UTP25: variants seen among roughly 807,000 people sequenced by gnomAD.
UTP25 encodes U3 small nucleolar RNA-associated protein 25 homolog.
UTP25 carries 50 observed loss-of-function variants against 78.9 expected under a neutral mutation model. The ratio of observed to expected loss-of-function variants is 0.63; its 90% CI spans 0.50 to 0.80. UTP25 has a LOEUF of 0.80. UTP25 is among the 30% of genes least tolerant of loss of function. The pLI is 0.00. For missense variants in UTP25, 846 were observed against 911.3 expected, an observed-to-expected ratio of 0.93 and a Z score of 0.92; for synonymous variants, 329 against 336.5, an observed-to-expected ratio of 0.98 and a Z score of 0.24.
At chr1:209,842,807 T>C in intron 10 of UTP25, 112 bp downstream of exon 10, 1 of 709,526 alleles carries the variant, frequency 1.4e-6, no homozygotes, top group South Asian at 1.8e-5. Context: ...ACCAAATCAG[T>C]TGAGATAATT....
intron 4 of UTP25, 35 bp from the exon 5 acceptor site, chr1:209,835,040 G>A (rs759549907): frequency 1.3e-6 from 2 of 1,555,512 alleles, no homozygotes; most frequent in Non-Finnish European, 8.9e-7. Context: ...CTCTGTAGTT[G>A]CATAGTGTGC....
Position 209,837,230 on chromosome 1 carries a change from C to T in UTP25, c.1062+19C>T, listed in dbSNP as rs1175535813. 6.2e-7 allele frequency: 1 copy of T among 1,604,468 alleles called. No individual in the cohort carries two copies. Among genetic ancestry groups the T allele is most frequent in the Non-Finnish European group, 8.5e-7 (1 of 1,174,412 alleles). ...GCCCAAGGTGAGTCCAGCAGGAAAG[C>T]TTTGCTCTCGAGGAGGTGGCTGCAA... On this transcript the variant is annotated intron_variant, in intron 6 of 11. Coordinates refer to ENST00000491415, the MANE Select transcript of UTP25 (RefSeq NM_014388.7).
intron 10 of UTP25, chr1:209,843,225 T>G (rs1008669675): frequency 3.5e-6 from 2 of 572,150 alleles, no homozygotes; most frequent in African/African-American, 3.8e-5. Flanking sequence ...TGGGATATAA[T>G]GGTATTACAT....
intron 11 of UTP25, among the ~76,000 whole-genome samples, chr1:209,849,948 G>T (rs1177801260): frequency 6.6e-6 from 1 of 152,126 alleles, no homozygotes; most frequent in Non-Finnish European, 1.5e-5. Context: ...AGACCTGGCT[G>T]CACATCTCTG....
At position 209,851,237 on chromosome 1, in the gene UTP25, C is replaced by T; in HGVS notation, c.2061C>T (p.Phe687=). The change falls in exon 12 of 12, where the codon TTC becomes TTT. Residue 687 remains phenylalanine, a synonymous_variant. Coordinates refer to ENST00000491415, the MANE Select transcript of UTP25 (RefSeq NM_014388.7). ...YTIKGIRNLI[F]YELPTYPHFY... ...TAAAAGGCATCAGGAACCTGATTTT[C>T]TATGAACTGCCGACATATCCACACT... 6.2e-7 allele frequency: 1 copy of T among 1,613,912 alleles called. No homozygotes were observed. The highest frequency in any genetic ancestry group is 8.5e-7 in the Non-Finnish European group (1 of 1,179,972).
chr1:209,833,294 C>T lies in UTP25; in HGVS notation c.498C>T (p.Phe166=), dbSNP rs1310799274. ...CAGATGCAAAACACGAGTCACTGTT[C>T]AGCCTGGAAACCAATTTTCTGGAAG... The part of the protein sequence containing the change: ...EFTDAKHESL[F]SLETNFLEEE... Residue 166 remains phenylalanine, a synonymous_variant, in exon 4 of 12, where the codon TTC becomes TTT. Transcript: ENST00000491415. The T allele has an allele frequency of 6.2e-7, 1 of 1,600,438 alleles. No homozygotes were observed. The highest frequency in any genetic ancestry group is 8.5e-7 in the Non-Finnish European group (1 of 1,176,098).
rs180755715 is a variant in UTP25 at position 209,850,861 on chromosome 1, T to C, written c.2028-343T>C. ...GATTATAATAAGGCTAATGTTCCAT[T>C]TTAAGTGCCTGCTTTTTAAGTTTTC... is the stretch of plus-strand genomic sequence containing the variant. On this transcript the variant is annotated intron_variant, in intron 11 of 11. Transcript: ENST00000491415. Among the ~76,000 whole-genome samples the C allele has an allele frequency of 2.0e-5, 3 of 152,330 alleles. No individual in the cohort carries two copies. The East Asian group carries it at 5.8e-4, about 29-fold the overall frequency.
intron 8 of UTP25, 97 bp downstream of exon 8, chr1:209,841,152 T>C: frequency 7.6e-7 from 1 of 1,311,936 alleles, no homozygotes; most frequent in Non-Finnish European, 1.1e-6. Context: ...TAAGTCCAGA[T>C]TAGAACTCTT....
Position 209,857,476 on chromosome 1 carries a change from C to T in UTP25, c.*6029C>T, listed in dbSNP as rs1418626760. On this transcript the variant is annotated 3_prime_UTR_variant, in exon 12 of 12. Coordinates refer to ENST00000491415, the MANE Select transcript of UTP25 (RefSeq NM_014388.7). ...GATCATTATTAATGTCTTATGTTTC[C>T]TCCCAGATTGTTTTCTGCATGAATA... The T allele has an allele frequency of 6.6e-6, 1 of 151,998 alleles. No individual in the cohort carries two copies. The highest frequency in any genetic ancestry group is 1.5e-5 in the Non-Finnish European group (1 of 68,026). The allele number at this position is 151,998 out of a possible 1,614,324, so 9.4% of individuals were successfully genotyped here.
chr1:209,834,128 C>T (rs894457895), intron 4 of UTP25, among the ~76,000 whole-genome samples: 1 of 152,222 alleles, frequency 6.6e-6, no homozygotes, highest in African/African-American at 2.4e-5. Context: ...AAACTCCATT[C>T]TGAACCATTA....
chr1:209,851,113 A>C, intron 11 of UTP25, 91 bp from the exon 12 acceptor site: 2 of 1,428,664 alleles, frequency 1.4e-6, no homozygotes, highest in Non-Finnish European at 1.9e-6. Flanking sequence ...GGAAGCAACA[A>C]GCATGAACTA....
chr1:209,837,342 C>A, intron 6 of UTP25, 131 bp downstream of exon 6: 1 of 1,080,458 alleles, frequency 9.3e-7, no homozygotes, highest in Non-Finnish European at 1.3e-6. Context: ...CAAATGTGAG[C>A]ATATTAAGTA....
At chr1:209,828,764 T>G (rs1274170563) in intron 1 of UTP25, among the ~76,000 whole-genome samples, 1 of 139,938 alleles carries the variant, frequency 7.1e-6, no homozygotes. Context: ...CACATATATA[T>G]ATGTATATAT....
chr1:209,848,186 A>C (rs548316067), intron 11 of UTP25, among the ~76,000 whole-genome samples: 1 of 152,366 alleles, frequency 6.6e-6, no homozygotes, highest in African/African-American at 2.4e-5. Flanking sequence ...ACAACCAGCT[A>C]GGTGATTTCA....
At position 209,843,469 on chromosome 1, in the gene UTP25, C is replaced by A; in HGVS notation, c.1800C>A (p.Asn600Lys). 6.2e-7 allele frequency: 1 copy of A among 1,613,880 alleles called. No homozygotes were observed. The highest frequency in any genetic ancestry group is 1.1e-5 in the South Asian group (1 of 91,046). ...AAATCAGGTTTAACTTTTTTGTGAACAAGATTTTGCCACAGTATCGTGATG... is the reference window on the plus strand; with the variant it reads ...AAATCAGGTTTAACTTTTTTGTGAAAAAGATTTTGCCACAGTATCGTGATG... ...VIDARFNFFVNKILPQYRDAV... is the reference protein window; with the variant it reads ...VIDARFNFFVKKILPQYRDAV... The change falls in exon 11 of 12, where the codon AAC becomes AAA. Residue 600 changes from asparagine (N) to lysine (K), a missense_variant. Physicochemically the swap from Asn to Lys is moderately conservative, Grantham distance 94. Transcript: ENST00000491415.
chr1:209,851,118 G>T (rs921261423), intron 11 of UTP25, 86 bp from the exon 12 acceptor site: 7 of 1,457,572 alleles, frequency 4.8e-6, no homozygotes, highest in Non-Finnish European at 6.4e-6. Context: ...CAACAAGCAT[G>T]AACTATGCCT....
At chr1:209,847,979 G>T (rs2078208252) in intron 11 of UTP25, among the ~76,000 whole-genome samples, 1 of 152,104 alleles carries the variant, frequency 6.6e-6, no homozygotes, top group Non-Finnish European at 1.5e-5. Context: ...GTCCAATCTG[G>T]TTTCCTGCAG....
At position 209,837,038 on chromosome 1, in the gene UTP25, A is replaced by G; in HGVS notation, c.889A>G (p.Arg297Gly). Residue 297 changes from arginine to glycine, a missense_variant, in exon 6 of 12, where the codon AGG (arginine) becomes GGG (glycine). Arg to Gly is a moderately radical substitution (Grantham distance 125). Transcript: ENST00000491415. ...NSYRDLFYPE[R>G]TALKNGEEIR... ...TTACCGGGACCTGTTCTACCCGGAA[A>G]GGACTGCTCTGAAGAACGGGGAAGA... The G allele has an allele frequency of 6.2e-7, 1 of 1,614,162 alleles. No individual in the cohort carries two copies.
intron 1 of UTP25, 77 bp downstream of exon 1, chr1:209,828,247 T>C: frequency 1.9e-6 from 2 of 1,080,486 alleles, no homozygotes; most frequent in Non-Finnish European, 2.8e-6. Flanking sequence ...TCCCAGATAG[T>C]GCTGCTCCGG....
Sources: allele counts gnomAD v4.1 joint callset (sites outside exome capture counted in the v4.1 genomes callset), GRCh38; gene constraint gnomAD v4.1.1; transcripts MANE v1.5; gene names NCBI Gene and HGNC (gene_info 2026-07-23, HGNC 2026-07-21).